PREX1: variants seen among roughly 807,000 people sequenced by gnomAD.
PREX1 encodes the protein phosphatidylinositol 3,4,5-trisphosphate-dependent Rac exchanger 1 protein.
A neutral mutation model predicts 198.3 loss-of-function variants in PREX1; 41 were observed. The observed-to-expected ratio is 0.21, with a 90% confidence interval of 0.16 to 0.27. The LOEUF is 0.27. PREX1 is among the 10% of genes least tolerant of loss of function. The pLI is 1.00. For missense variants in PREX1, 1,620 were observed against 2,200.7 expected, an observed-to-expected ratio of 0.74 and a Z score of 5.28; for synonymous variants, 843 against 887.2, an observed-to-expected ratio of 0.95 and a Z score of 0.89.
chr20:48,818,465 G>A (rs376003795), intron 1 of PREX1, among the ~76,000 whole-genome samples: 2 of 152,216 alleles, frequency 1.3e-5, no homozygotes, highest in African/African-American at 4.8e-5. Flanking sequence ...AGATGTAACT[G>A]TAACTGATTA....
chr20:48,773,867 G>C (rs1288725813), intron 1 of PREX1, among the ~76,000 whole-genome samples: 1 of 152,204 alleles, frequency 6.6e-6, no homozygotes. Context: ...GTGAACAACA[G>C]ACTGTAGCAG....
intron 1 of PREX1, among the ~76,000 whole-genome samples, chr20:48,806,450 A>C (rs1208334188): frequency 6.6e-6 from 1 of 152,168 alleles, no homozygotes; most frequent in Non-Finnish European, 1.5e-5. Context: ...TAAACTCTAG[A>C]CTTGGTTCAT....
Position 48,653,516 on chromosome 20 carries a change from C to T in PREX1, c.2210-19G>A, listed in dbSNP as rs1469157980. On this transcript the variant is annotated intron_variant, in intron 19 of 39. Transcript: ENST00000371941. ...TCAGAGCCTAAGGGGAACAGGAGCA[C>T]ATGAGGCTGGATGCCAGGCAAGTAC... 2.5e-6 allele frequency: 4 copies of T among 1,594,162 alleles called. No homozygotes were observed. The highest frequency in any genetic ancestry group is 3.4e-6 in the Non-Finnish European group (4 of 1,166,198).
intron 1 of PREX1, among the ~76,000 whole-genome samples, chr20:48,770,662 A>G (rs1485403008): frequency 6.6e-6 from 1 of 152,064 alleles, no homozygotes; most frequent in Non-Finnish European, 1.5e-5. Flanking sequence ...GTGAGCCAAG[A>G]TTGCTCCACT....
At chr20:48,647,634 C>A (rs2089461295) in intron 25 of PREX1, among the ~76,000 whole-genome samples, 2 of 152,020 alleles carry the variant, frequency 1.3e-5, no homozygotes, top group South Asian at 2.1e-4. Flanking sequence ...GCATGATTAG[C>A]CCCATTTGAC....
chr20:48,648,099 G>T (rs1208897046), intron 25 of PREX1, among the ~76,000 whole-genome samples: 1 of 151,972 alleles, frequency 6.6e-6, no homozygotes, highest in Non-Finnish European at 1.5e-5. Context: ...TAGAGATAGG[G>T]TTTCACTACG....
intron 1 of PREX1, among the ~76,000 whole-genome samples, chr20:48,786,918 A>T (rs1350971502): frequency 1.3e-5 from 2 of 151,324 alleles, no homozygotes; most frequent in Non-Finnish European, 3.0e-5. Context: ...GGGAAAGAGG[A>T]GGAGGCGTGG....
the PREX1 span, among the ~76,000 whole-genome samples, chr20:48,846,512 G>A: frequency 6.6e-6 from 1 of 152,062 alleles, no homozygotes; most frequent in Non-Finnish European, 1.5e-5. Context: ...CACTCCCCTT[G>A]AAAACAGCCC....
chr20:48,781,677 C>A (rs2090290416), intron 1 of PREX1, among the ~76,000 whole-genome samples: 1 of 152,152 alleles, frequency 6.6e-6, no homozygotes, highest in Admixed American at 6.5e-5. Flanking sequence ...TGGTTTGAAC[C>A]CAGGCCCTGC....
the PREX1 span, among the ~76,000 whole-genome samples, chr20:48,852,197 A>G: frequency 6.6e-6 from 1 of 152,138 alleles, no homozygotes; most frequent in Non-Finnish European, 1.5e-5. Context: ...CAGGACCCCA[A>G]AAATGGTTCT....
chr20:48,675,590 T>C (rs2089702709), intron 14 of PREX1, among the ~76,000 whole-genome samples: 1 of 152,056 alleles, frequency 6.6e-6, no homozygotes, highest in African/African-American at 2.4e-5. Flanking sequence ...AGACAGAAAG[T>C]AGAATGGTGC....
At chr20:48,762,701 CTTTT>C (rs397816054) in intron 1 of PREX1, among the ~76,000 whole-genome samples, 1 of 128,094 alleles carries the variant, frequency 7.8e-6, no homozygotes, top group African/African-American at 2.9e-5. Flanking sequence ...TATGAAGTTT[CTTTT>C]TTTTTTTTTT....
chr20:48,630,587 G>A (rs989961832), intron 36 of PREX1, 141 bp downstream of exon 36: 3 of 643,228 alleles, frequency 4.7e-6, no homozygotes, highest in Non-Finnish European at 7.9e-6. Context: ...AGACTTCCTG[G>A]AGGAGGAGAG....
rs556239706 is a variant in PREX1, at chr20:48,728,753, A to C, written c.520-2362T>G. Among the ~76,000 whole-genome samples, 10 of 152,288 alleles carry C rather than the reference A, an allele frequency of 6.6e-5. No individual in the cohort carries two copies. In the South Asian group the frequency reaches 1.7e-3, roughly 25 times the overall value. ...CTTTGTCCAGGATCAAGGAGTTTTC[A>C]CAAGATTTTCACAGCCACCAAGGAC... On this transcript the variant is annotated intron_variant, in intron 4 of 39. Transcript: ENST00000371941.
chr20:48,650,346 G>A (rs1432137419), intron 23 of PREX1, 140 bp from the exon 24 acceptor site: 1 of 855,566 alleles, frequency 1.2e-6, no homozygotes, highest in African/African-American at 1.7e-5. Context: ...AAATGAGAAG[G>A]GGAACCCCTG....
At chr20:48,644,244 A>T (rs919211813) in intron 27 of PREX1, among the ~76,000 whole-genome samples, 165 bp downstream of exon 27, 1 of 152,248 alleles carries the variant, frequency 6.6e-6, no homozygotes, top group Non-Finnish European at 1.5e-5. Context: ...TATGGGCTCA[A>T]GAAATACTTG....
chr20:48,805,393 G>C (rs1175944986), intron 1 of PREX1, among the ~76,000 whole-genome samples: 1 of 152,260 alleles, frequency 6.6e-6, no homozygotes, highest in Non-Finnish European at 1.5e-5. Flanking sequence ...GCCAAGGCCA[G>C]GCTGCAGACA....
intron 1 of PREX1, among the ~76,000 whole-genome samples, chr20:48,803,675 C>G (rs2090397494): frequency 6.6e-6 from 1 of 152,198 alleles, no homozygotes; most frequent in Admixed American, 6.5e-5. Context: ...AAGTCGTGCC[C>G]TGAGTCCTGC....
intron 1 of PREX1, among the ~76,000 whole-genome samples, chr20:48,823,644 T>C (rs1015602792): frequency 1.3e-5 from 2 of 152,190 alleles, no homozygotes; most frequent in Admixed American, 1.3e-4. Flanking sequence ...TCCACAGTTC[T>C]TCCCATTCTG....
Sources: allele counts gnomAD v4.1 joint callset (sites outside exome capture counted in the v4.1 genomes callset), GRCh38; gene constraint gnomAD v4.1.1; transcripts MANE v1.5; gene names NCBI Gene and HGNC (gene_info 2026-07-23, HGNC 2026-07-21).